The following DSCAM variants were observed in gnomAD, a reference collection of about 807,000 sequenced individuals.
The protein encoded by DSCAM is DS cell adhesion molecule, also known as cell adhesion molecule DSCAM.
DSCAM carries 47 observed loss-of-function variants against 217.7 expected under a neutral mutation model. The ratio of observed to expected loss-of-function variants is 0.22; its 90% CI spans 0.17 to 0.28. The LOEUF is 0.28. DSCAM is among the 10% of genes least tolerant of loss of function. The pLI is 1.00. For missense variants in DSCAM, 2,080 were observed against 2,618.3 expected, an observed-to-expected ratio of 0.79 and a Z score of 4.49; for synonymous variants, 1,056 against 1,015.3, an observed-to-expected ratio of 1.04 and a Z score of -0.76.
At chr21:40,232,526 T>A (rs1296309293) in intron 11 of DSCAM, among the ~76,000 whole-genome samples, 1 of 152,118 alleles carries the variant, frequency 6.6e-6, no homozygotes, top group Admixed American at 6.6e-5. Flanking sequence ...TAGGAAAATA[T>A]CCCTAAAGGT....
At chr21:40,606,530 G>C (rs1196333492) in intron 3 of DSCAM, among the ~76,000 whole-genome samples, 1 of 152,166 alleles carries the variant, frequency 6.6e-6, no homozygotes, top group Non-Finnish European at 1.5e-5. Context: ...ACATTGGCTG[G>C]CTTGTGGTTG....
intron 6 of DSCAM, among the ~76,000 whole-genome samples, chr21:40,342,645 TATA>T (rs1198195722): frequency 1.8e-4 from 20 of 109,414 alleles, no homozygotes; most frequent in South Asian, 3.3e-4. Flanking sequence ...TATATATATA[TATA>T]TTTTTTTTTT....
chr21:40,668,288 CAACTCACATCA>C lies in DSCAM; in HGVS notation c.508+24511_508+24521del, dbSNP rs555599581. ...ATTTATAAAAGGTACTGATATGCAC[CAACTCACATCA>C]GTGGATTCAGTTACACACAATGACA... On this transcript the variant is annotated intron_variant, in intron 3 of 32. Coordinates refer to ENST00000400454, the MANE Select transcript of DSCAM (RefSeq NM_001389.5). 2.4e-3 allele frequency among the ~76,000 whole-genome samples: 361 copies of C among 152,330 alleles called. 2 individuals are homozygous for C. The highest frequency in any genetic ancestry group is 8.2e-3 in the African/African-American group (341 of 41,580).
At chr21:40,330,424 T>A (rs931701951) in intron 8 of DSCAM, among the ~76,000 whole-genome samples, 1 of 145,756 alleles carries the variant, frequency 6.9e-6, no homozygotes, top group Admixed American at 7.0e-5. Context: ...ATATATAGCA[T>A]TCTTTCATAA....
intron 1 of DSCAM, among the ~76,000 whole-genome samples, chr21:40,758,516 CAA>C (rs3071030): frequency 6.8e-5 from 7 of 102,986 alleles, no homozygotes; most frequent in East Asian, 2.9e-4. Flanking sequence ...GACTCTGTCT[CAA>C]AAAAAAAAAA....
intron 16 of DSCAM, among the ~76,000 whole-genome samples, chr21:40,146,847 T>C (rs879755810): frequency 1.3e-5 from 2 of 152,218 alleles, no homozygotes; most frequent in Non-Finnish European, 2.9e-5. Flanking sequence ...TTTCTCACTG[T>C]TTAGAAATAG....
intron 3 of DSCAM, among the ~76,000 whole-genome samples, chr21:40,487,805 G>C (rs1189513638): frequency 6.6e-6 from 1 of 152,130 alleles, no homozygotes; most frequent in African/African-American, 2.4e-5. Context: ...CCAGGTTTTT[G>C]GCATGAGTTT....
At position 40,821,393 on chromosome 21, in the gene DSCAM, GCACA is replaced by G. The variant is rs146285607; in HGVS notation, c.43+25222_43+25225del. ...CATGCACACACACAGACACACGCGC[GCACA>G]CACACACACACACACACACACCCCA... On this transcript the variant is annotated intron_variant, in intron 1 of 32. Coordinates refer to ENST00000400454, the MANE Select transcript of DSCAM (RefSeq NM_001389.5). Among the ~76,000 whole-genome samples the G allele has an allele frequency of 5.3e-4, 78 of 146,174 alleles. 1 individual carries two copies. The highest frequency in any genetic ancestry group is 2.2e-3 in the South Asian group (10 of 4,566).
At chr21:40,327,759 T>A (rs2074333496) in intron 8 of DSCAM, among the ~76,000 whole-genome samples, 1 of 152,190 alleles carries the variant, frequency 6.6e-6, no homozygotes, top group African/African-American at 2.4e-5. Flanking sequence ...CATGAAAGGA[T>A]GTTAAATTTT....
chr21:40,109,951 C>T (rs2146632242), intron 20 of DSCAM, among the ~76,000 whole-genome samples: 1 of 152,304 alleles, frequency 6.6e-6, no homozygotes, highest in East Asian at 1.9e-4. Context: ...CACCGCAGCT[C>T]AAGGAGGCCT....
chr21:40,738,176 AT>A (rs2091083944), intron 1 of DSCAM, among the ~76,000 whole-genome samples: 1 of 152,224 alleles, frequency 6.6e-6, no homozygotes, highest in South Asian at 2.1e-4. Context: ...CAGAAGAACA[AT>A]TAGTTTCTTG....
At chr21:40,042,767 C>T in intron 31 of DSCAM, 94 bp from the exon 32 acceptor site, 3 of 1,263,650 alleles carry the variant, frequency 2.4e-6, no homozygotes, top group Non-Finnish European at 3.2e-6. Context: ...TGTTTTCTTC[C>T]AGATCATGGT....
chr21:40,807,116 TC>T (rs1339049547), intron 1 of DSCAM, among the ~76,000 whole-genome samples: 4 of 78,688 alleles, frequency 5.1e-5, no homozygotes, highest in Non-Finnish European at 9.3e-5. Flanking sequence ...AATGAATCAA[TC>T]AATCAATCAA....
At position 40,699,025 on chromosome 21, in the gene DSCAM, T is replaced by C. The variant is rs144063177; in HGVS notation, c.362-6069A>G. ...ATTATGTTTTTTACAAGTTGAAGAT[T>C]TGTGGAAACCCTGCATCATGCAACT... On this transcript the variant is annotated intron_variant, in intron 2 of 32. Transcript: ENST00000400454. Among the ~76,000 whole-genome samples, 684 of 152,318 alleles carry C rather than the reference T, an allele frequency of 4.5e-3. 10 individuals are homozygous for C. Among genetic ancestry groups the C allele is most frequent in the African/African-American group, 0.015 (630 of 41,562 alleles).
chr21:40,442,174 CAA>C (rs1490634128), intron 3 of DSCAM, among the ~76,000 whole-genome samples: 12 of 151,938 alleles, frequency 7.9e-5, no homozygotes, highest in Admixed American at 7.2e-4. Flanking sequence ...ATTGTTGAAT[CAA>C]AGAGTACATT....
At chr21:40,167,799 G>T (rs954899826) in intron 15 of DSCAM, among the ~76,000 whole-genome samples, 20 of 152,134 alleles carry the variant, frequency 1.3e-4, no homozygotes, top group African/African-American at 4.8e-4. Context: ...GGGCACGGTG[G>T]CTCACGCCTG....
chr21:40,030,940 C>T (rs1568899679), intron 32 of DSCAM, among the ~76,000 whole-genome samples: 4 of 152,134 alleles, frequency 2.6e-5, no homozygotes, highest in Non-Finnish European at 5.9e-5. Context: ...ACCCTGCAAC[C>T]ATCCTCCTGC....
chr21:40,382,636 G>C (rs2075038745), intron 3 of DSCAM, among the ~76,000 whole-genome samples: 1 of 152,118 alleles, frequency 6.6e-6, no homozygotes, highest in Non-Finnish European at 1.5e-5. Flanking sequence ...AACACGCAAG[G>C]GTAGAAACCA....
intron 16 of DSCAM, among the ~76,000 whole-genome samples, chr21:40,154,398 CA>C (rs2090455799): frequency 6.6e-6 from 1 of 151,980 alleles, no homozygotes; most frequent in South Asian, 2.1e-4. Flanking sequence ...GGATCACAGA[CA>C]TGTCACCATA....
Sources: gnomAD v4.1 joint callset for allele counts (sites outside exome capture counted in the v4.1 genomes callset) on GRCh38, gnomAD v4.1.1 for gene constraint, MANE v1.5 for transcripts, NCBI Gene and HGNC (gene_info 2026-07-23, HGNC 2026-07-21) for gene names.